Variants in DAPK1 observed in about 807,000 individuals in gnomAD.
DAPK1 encodes the protein death-associated protein kinase 1.
Under a neutral mutation model 144.9 loss-of-function variants are expected in DAPK1, and 56 were observed. That is an observed-to-expected ratio of 0.39 (90% CI 0.31 to 0.48). The LOEUF is 0.48. Among genes scored for constraint, DAPK1 ranks in the 20% least tolerant of loss-of-function variants. DAPK1 has a pLI of 0.95. For synonymous variants in DAPK1, 690 were observed against 749.0 expected, an observed-to-expected ratio of 0.92 and a Z score of 1.29; for missense variants, 1,454 against 1,875.4, an observed-to-expected ratio of 0.78 and a Z score of 4.15.
At chr9:87,546,119 G>T (rs1015823660) in intron 2 of DAPK1, among the ~76,000 whole-genome samples, 18 of 152,218 alleles carry the variant, frequency 1.2e-4, no homozygotes, top group East Asian at 5.8e-4. Context: ...GGTGAGATTG[G>T]GTGGTGGTGG....
rs1211992825 is a variant in DAPK1 at position 87,655,014 on chromosome 9, A to G, written c.1825-3015A>G. Among the ~76,000 whole-genome samples, 6 of 152,254 alleles carry G rather than the reference A, an allele frequency of 3.9e-5. 1 individual carries two copies. The highest frequency in any genetic ancestry group is 2.0e-4 in the Admixed American group (3 of 15,292). On this transcript the variant is annotated intron_variant, in intron 17 of 25. Coordinates refer to ENST00000408954, the MANE Select transcript of DAPK1 (RefSeq NM_004938.4). ...CACATTTTTCAGGCTGCAAATATCTATAAGTAAAGTCGATAAATGCTGACA... is the reference window on the plus strand; with the variant it reads ...CACATTTTTCAGGCTGCAAATATCTGTAAGTAAAGTCGATAAATGCTGACA...
At chr9:87,691,399 A>G (rs1825049029) in intron 21 of DAPK1, among the ~76,000 whole-genome samples, 1 of 151,862 alleles carries the variant, frequency 6.6e-6, no homozygotes, top group African/African-American at 2.4e-5. Context: ...AGGTCAGTCT[A>G]GCAAATGGTT....
intron 21 of DAPK1, among the ~76,000 whole-genome samples, chr9:87,689,777 A>G (rs796883469): frequency 6.6e-6 from 1 of 151,942 alleles, no homozygotes; most frequent in African/African-American, 2.4e-5. Context: ...TTTCCCCAGT[A>G]TGTGTTCTTA....
intron 3 of DAPK1, chr9:87,632,304 T>G: frequency 1.2e-5 from 12 of 981,910 alleles, no homozygotes; most frequent in Non-Finnish European, 1.3e-5. Flanking sequence ...CATGTAGAAA[T>G]GAAGGAAGAT....
intron 2 of DAPK1, among the ~76,000 whole-genome samples, chr9:87,572,195 A>G (rs539897973): frequency 8.5e-5 from 13 of 152,364 alleles, no homozygotes; most frequent in African/African-American, 3.1e-4. Flanking sequence ...ATTCATTAAC[A>G]TATCACACTG....
chr9:87,684,837 A>G (rs1824781525), intron 20 of DAPK1, among the ~76,000 whole-genome samples: 1 of 152,206 alleles, frequency 6.6e-6, no homozygotes, highest in Admixed American at 6.5e-5. Flanking sequence ...CCATGAAATT[A>G]TTGTTTTCAT....
intron 2 of DAPK1, among the ~76,000 whole-genome samples, chr9:87,508,298 C>T (rs7855878): frequency 0.015 from 2,218 of 151,814 alleles, 49 homozygotes; most frequent in African/African-American, 0.051. Context: ...AGGTGTGAGT[C>T]GCCGCACTGG....
chr9:87,628,673 G>A (rs1344411817), intron 3 of DAPK1, among the ~76,000 whole-genome samples: 1 of 152,208 alleles, frequency 6.6e-6, no homozygotes, highest in Non-Finnish European at 1.5e-5. Flanking sequence ...GCAAAGCCAA[G>A]AGGTAGTTGG....
At chr9:87,676,809 T>C (rs957543894) in intron 19 of DAPK1, among the ~76,000 whole-genome samples, 2 of 152,190 alleles carry the variant, frequency 1.3e-5, no homozygotes, top group Non-Finnish European at 2.9e-5. Flanking sequence ...GGGCCCTCCT[T>C]GGATGGTCCT....
intron 2 of DAPK1, among the ~76,000 whole-genome samples, chr9:87,555,093 C>A (rs181613056): frequency 8.5e-5 from 13 of 152,318 alleles, no homozygotes; most frequent in African/African-American, 2.9e-4. Flanking sequence ...GGTCTCATCA[C>A]CCTGCCCTCA....
chr9:87,507,683 C>T (rs1045230623), intron 2 of DAPK1, among the ~76,000 whole-genome samples: 4 of 151,674 alleles, frequency 2.6e-5, no homozygotes, highest in Non-Finnish European at 4.4e-5. Flanking sequence ...CAACTTTGGA[C>T]GAAGAACATA....
At position 87,650,125 on chromosome 9, in the gene DAPK1, T is replaced by G; in HGVS notation, c.1626+7T>G. 2 of 1,613,800 alleles carry G rather than the reference T, an allele frequency of 1.2e-6. No individual in the cohort carries two copies. The highest frequency in any genetic ancestry group is 1.7e-6 in the Non-Finnish European group (2 of 1,179,954). On this transcript the variant is annotated splice_region_variant and intron_variant, in intron 16 of 25. Transcript: ENST00000408954. The stretch of plus-strand genomic sequence containing the variant: ...CCTTAATGCTTGCGACAAGGTGCCT[T>G]ATGGGGGAAGACTCATATGCACTGG...
chr9:87,622,483 A>G (rs1284863001), intron 3 of DAPK1, among the ~76,000 whole-genome samples: 1 of 152,106 alleles, frequency 6.6e-6, no homozygotes, highest in African/African-American at 2.4e-5. Context: ...AGTCATTTTG[A>G]TGTATTCAGT....
chr9:87,539,890 G>C (rs1825982595), intron 2 of DAPK1, among the ~76,000 whole-genome samples: 1 of 152,054 alleles, frequency 6.6e-6, no homozygotes, highest in South Asian at 2.1e-4. Flanking sequence ...AATTGTCGTA[G>C]TCTAGTAGTG....
At chr9:87,691,987 C>T (rs542968991) in intron 21 of DAPK1, among the ~76,000 whole-genome samples, 46 of 151,994 alleles carry the variant, frequency 3.0e-4, no homozygotes, top group Non-Finnish European at 5.4e-4. Flanking sequence ...TGTAAATGTC[C>T]GTTAGGTCCA....
chr9:87,572,219 A>C (rs1382506349), intron 2 of DAPK1, among the ~76,000 whole-genome samples: 1 of 152,224 alleles, frequency 6.6e-6, no homozygotes, highest in East Asian at 1.9e-4. Flanking sequence ...CATGCCTTTT[A>C]TACATTAACA....
At position 87,498,116 on chromosome 9, in the gene DAPK1, C is replaced by T; in HGVS notation, c.-109+9C>T. The T allele has an allele frequency of 2.5e-6, 1 of 397,444 alleles. No individual in the cohort carries two copies. 24.6% of individuals were successfully genotyped at this position (397,444 alleles called of 1,614,324 possible). A position where few individuals can be genotyped will look rare whatever the true frequency, so the allele number is the denominator to read the frequency against. ...AGCTCCCAGGCGCCCGGGTGAGTAG[C>T]CAGGCGCGGCTCCCCGGTCCCCCCG... On this transcript the variant is annotated intron_variant, in intron 1 of 25. Transcript: ENST00000408954.
chr9:87,525,196 C>G, intron 2 of DAPK1: 2 of 794,336 alleles, frequency 2.5e-6, no homozygotes, highest in African/African-American at 1.7e-5. Context: ...GGATGAGTAC[C>G]AGAACTTTCT....
intron 2 of DAPK1, among the ~76,000 whole-genome samples, chr9:87,580,125 T>A (rs1827700072): frequency 6.6e-6 from 1 of 152,182 alleles, no homozygotes; most frequent in Non-Finnish European, 1.5e-5. Flanking sequence ...TGGCAGTGGT[T>A]ACAGCAGATA....
Sources: gnomAD v4.1 joint callset for allele counts (sites outside exome capture counted in the v4.1 genomes callset) on GRCh38, gnomAD v4.1.1 for gene constraint, MANE v1.5 for transcripts, NCBI Gene and HGNC (gene_info 2026-07-23, HGNC 2026-07-21) for gene names.